Variants in COL27A1 observed in about 807,000 individuals in gnomAD.
COL27A1 encodes collagen type XXVII alpha 1 chain.
A neutral mutation model predicts 251.3 loss-of-function variants in COL27A1; 106 were observed. The observed-to-expected ratio is 0.42, with a 90% CI of 0.36 to 0.50. The LOEUF (loss-of-function observed/expected upper bound fraction) is 0.50, where lower values mean the gene tolerates loss of function less well. COL27A1 is among the 20% of genes least tolerant of loss of function. The pLI is 0.00. For synonymous variants in COL27A1, 1,000 were observed against 986.3 expected (o/e 1.01, Z -0.26); for missense variants, 2,325 against 2,522.8 (o/e 0.92, Z 1.68).
intron 14 of COL27A1, among the ~76,000 whole-genome samples, chr9:114,224,178 A>C (rs1392893161): frequency 6.6e-6 from 1 of 152,216 alleles, no homozygotes; most frequent in East Asian, 1.9e-4. Flanking sequence ...CTGCCATGGG[A>C]ATTCGAGAAC....
intron 40 of COL27A1, 39 bp downstream of exon 40, chr9:114,283,801 C>T (rs367988627): frequency 6.2e-7 from 1 of 1,605,630 alleles, no homozygotes; most frequent in Admixed American, 1.7e-5. Context: ...CCGACTCTGT[C>T]CTGCAGGCCT....
At chr9:114,216,363 C>T (rs1830713182) in intron 12 of COL27A1, among the ~76,000 whole-genome samples, 1 of 152,198 alleles carries the variant, frequency 6.6e-6, no homozygotes, top group Admixed American at 6.5e-5. Flanking sequence ...CCAGGCTGGG[C>T]ATGCATGCCA....
chr9:114,227,451 G>C (rs1831559143), intron 14 of COL27A1, among the ~76,000 whole-genome samples: 2 of 151,916 alleles, frequency 1.3e-5, no homozygotes, highest in East Asian at 1.9e-4. Context: ...ATCTCAGGCA[G>C]GTTACATCAC....
At chr9:114,214,119 C>A (rs1411298383) in intron 12 of COL27A1, among the ~76,000 whole-genome samples, 5 of 152,188 alleles carry the variant, frequency 3.3e-5, no homozygotes, top group African/African-American at 9.6e-5. Context: ...TCTGTCTCCG[C>A]TGGGCCTCTG....
At chr9:114,180,460 C>T (rs554031554) in intron 4 of COL27A1, among the ~76,000 whole-genome samples, 21 of 152,296 alleles carry the variant, frequency 1.4e-4, no homozygotes, top group Non-Finnish European at 2.8e-4. Flanking sequence ...TGACACGCTT[C>T]TAGGCTCTTT....
At chr9:114,264,843 C>A in intron 29 of COL27A1, 81 bp from the exon 30 acceptor site, 1 of 1,442,718 alleles carries the variant, frequency 6.9e-7, no homozygotes, top group Non-Finnish European at 9.5e-7. Flanking sequence ...TTCCTTTTAT[C>A]TCCCATGTGG....
chr9:114,267,155 G>A (rs1417279020), intron 33 of COL27A1, among the ~76,000 whole-genome samples: 1 of 152,192 alleles, frequency 6.6e-6, no homozygotes, highest in African/African-American at 2.4e-5. Flanking sequence ...AGAATCACTT[G>A]GCCCTAAACA....
intron 13 of COL27A1, 149 bp downstream of exon 13, chr9:114,219,993 A>G: frequency 1.6e-6 from 1 of 644,518 alleles, no homozygotes; most frequent in Non-Finnish European, 2.8e-6. Flanking sequence ...AAATTACATG[A>G]CGTCTCTAAA....
At chr9:114,221,073 T>G (rs535823309) in intron 13 of COL27A1, among the ~76,000 whole-genome samples, 2 of 150,384 alleles carry the variant, frequency 1.3e-5, no homozygotes, top group African/African-American at 4.9e-5. Flanking sequence ...ACAGGTTCAG[T>G]GGGTGAGGCT....
intron 19 of COL27A1, 105 bp from the exon 20 acceptor site, chr9:114,240,115 C>T (rs1832654308): frequency 2.9e-6 from 3 of 1,027,580 alleles, no homozygotes; most frequent in Admixed American, 1.7e-5. Context: ...GGGTCCCATC[C>T]CAGCAGGATG....
intron 17 of COL27A1, among the ~76,000 whole-genome samples, chr9:114,235,985 C>CCTAACCA (rs1832368604): frequency 6.6e-6 from 1 of 152,116 alleles, no homozygotes; most frequent in African/African-American, 2.4e-5. Context: ...ACCCTGGCTC[C>CCTAACCA]CTAACCAGAC....
intron 1 of COL27A1, among the ~76,000 whole-genome samples, chr9:114,159,593 G>T (rs1224316077): frequency 2.0e-5 from 3 of 152,078 alleles, no homozygotes; most frequent in Non-Finnish European, 4.4e-5. Flanking sequence ...CTAAATTTGG[G>T]GACTGCTGAA....
chr9:114,211,558 C>T (rs966026176), intron 12 of COL27A1, among the ~76,000 whole-genome samples: 24 of 152,250 alleles, frequency 1.6e-4, no homozygotes, highest in Admixed American at 1.4e-3. Flanking sequence ...CTCTATGGCT[C>T]CCCATCATGG....
At chr9:114,156,036 C>A in intron 1 of COL27A1, 24 bp downstream of exon 1, 1 of 1,297,094 alleles carries the variant, frequency 7.7e-7, no homozygotes. Flanking sequence ...CGGGGACGCC[C>A]CCTCCCTAGC....
Position 114,282,583 on chromosome 9 carries a change from G to A in COL27A1, c.3879+19G>A. 1 of 1,447,950 alleles carries A rather than the reference G, an allele frequency of 6.9e-7. No individual in the cohort carries two copies. Among genetic ancestry groups the A allele is most frequent in the Non-Finnish European group, 9.2e-7 (1 of 1,081,678 alleles). 89.7% of individuals were successfully genotyped at this position (1,447,950 alleles called of 1,614,324 possible). On this transcript the variant is annotated intron_variant, in intron 39 of 60. Transcript: ENST00000356083. The stretch of plus-strand genomic sequence containing the variant: ...ACCAACGGTGAGGACTCTCTGGCTG[G>A]GGTGGGGGAGTCAGATGTGGAATAG...
chr9:114,206,383 C>A, intron 10 of COL27A1, 87 bp downstream of exon 10: 1 of 1,389,730 alleles, frequency 7.2e-7, no homozygotes, highest in Non-Finnish European at 1.0e-6. Context: ...GAGGTCAGAG[C>A]TATAAGGAGA....
chr9:114,261,164 G>A (rs989418310), intron 28 of COL27A1, among the ~76,000 whole-genome samples: 2 of 152,170 alleles, frequency 1.3e-5, no homozygotes, highest in African/African-American at 2.4e-5. Context: ...GCTCATTCCC[G>A]CTTGTTCATC....
At chr9:114,179,832 CTT>C (rs139712391) in intron 4 of COL27A1, among the ~76,000 whole-genome samples, 92 of 100,180 alleles carry the variant, frequency 9.2e-4, no homozygotes, top group African/African-American at 3.0e-3. Context: ...AGCCTACCAT[CTT>C]TTTTTTTTTT....
chr9:114,199,168 C>T lies in COL27A1; in HGVS notation c.2124+3156C>T, dbSNP rs151118980. ...ACCCTCCTGCTTTCTTTCCTGTAGA[C>T]CAGTAGTTCTCAACTTGGGGTGATT... is the stretch of plus-strand genomic sequence containing the variant. On this transcript the variant is annotated intron_variant, in intron 7 of 60. Coordinates refer to ENST00000356083, the MANE Select transcript of COL27A1 (RefSeq NM_032888.4). Among the ~76,000 whole-genome samples the T allele has an allele frequency of 5.3e-3, 802 of 152,212 alleles. 5 individuals are homozygous for T. The highest frequency in any genetic ancestry group is 0.018 in the African/African-American group (762 of 41,528).
Sources: gnomAD v4.1 joint callset for allele counts (sites outside exome capture counted in the v4.1 genomes callset) on GRCh38, gnomAD v4.1.1 for gene constraint, MANE v1.5 for transcripts, NCBI Gene and HGNC (gene_info 2026-07-23, HGNC 2026-07-21) for gene names.